Variants in ORAI2 observed in about 807,000 individuals in gnomAD.
ORAI2 encodes the protein protein orai-2.
A neutral mutation model predicts 16.2 loss-of-function variants in ORAI2; 10 were observed. The ratio of observed to expected loss-of-function variants is 0.62; its 90% confidence interval spans 0.38 to 1.04. The LOEUF is 1.04. Among genes scored for constraint, ORAI2 ranks in the 50% least tolerant of loss-of-function variants. The probability of loss-of-function intolerance (pLI) is 0.01; values close to 1 mark genes in which losing one functional copy is unlikely to be tolerated. For synonymous variants in ORAI2, 150 were observed against 157.5 expected, an observed-to-expected ratio of 0.95 and a Z score of 0.35; for missense variants, 238 against 355.5, an observed-to-expected ratio of 0.67 and a Z score of 2.66.
chr7:102,434,394 G>C (rs1797009655), intron 1 of ORAI2, among the ~76,000 whole-genome samples: 1 of 152,172 alleles, frequency 6.6e-6, no homozygotes, highest in South Asian at 2.1e-4. Context: ...CCAGCTCCAG[G>C]CAGACAGACA....
chr7:102,437,808 T>C (rs1029025001), intron 2 of ORAI2, among the ~76,000 whole-genome samples: 2 of 152,118 alleles, frequency 1.3e-5, no homozygotes, highest in African/African-American at 4.8e-5. Context: ...CCCAGCACTT[T>C]GGGAGGTGTA....
At position 102,449,740 on chromosome 7, in the gene ORAI2, G is replaced by A. The variant is rs112845201; in HGVS notation, c.*2688G>A. On this transcript the variant is annotated 3_prime_UTR_variant, in exon 4 of 4. Transcript: ENST00000495936. The stretch of plus-strand genomic sequence containing the variant: ...ATAAATAAAAATAAATTAGCTGGGC[G>A]TGGTGGTGCATGCCTGTAGTTCCAG... 0.058 allele frequency: 8,805 copies of A among 152,302 alleles called. 858 individuals are homozygous for A. Among genetic ancestry groups the A allele is most frequent in the African/African-American group, 0.2 (8,314 of 41,482 alleles). 9.4% of individuals were successfully genotyped at this position (152,302 alleles called of 1,614,324 possible). A position where few individuals can be genotyped will look rare whatever the true frequency, so the allele number is the denominator to read the frequency against.
rs1388205452 is a variant in ORAI2 at position 102,455,771 on chromosome 7, A to C, written c.*8719A>C. 6.6e-6 allele frequency: 1 copy of C among 152,212 alleles called. No homozygotes were observed. The highest frequency in any genetic ancestry group is 1.5e-5 in the Non-Finnish European group (1 of 68,052). 9.4% of individuals were successfully genotyped at this position (152,212 alleles called of 1,614,324 possible). The stretch of plus-strand genomic sequence containing the variant: ...CTGTGCTCTTGCTCCAAGTGAGTTG[A>C]CCAGGGAGCCGAAGTTAAGGTGGCC... On this transcript the variant is annotated 3_prime_UTR_variant, in exon 4 of 4. Transcript: ENST00000495936.
chr7:102,434,186 C>T (rs1797001506), intron 1 of ORAI2, among the ~76,000 whole-genome samples: 1 of 146,846 alleles, frequency 6.8e-6, no homozygotes, highest in Admixed American at 6.7e-5. Context: ...CCTCTAGGGT[C>T]TGTGCCACCT....
At chr7:102,434,183 G>T (rs1797001426) in intron 1 of ORAI2, among the ~76,000 whole-genome samples, 1 of 149,540 alleles carries the variant, frequency 6.7e-6, no homozygotes, top group South Asian at 2.1e-4. Context: ...CATCCTCTAG[G>T]GTCTGTGCCA....
intron 3 of ORAI2, among the ~76,000 whole-genome samples, chr7:102,444,379 AG>A (rs1304024870): frequency 1.3e-5 from 2 of 151,632 alleles, no homozygotes; most frequent in African/African-American, 4.9e-5. Flanking sequence ...CAGCCTCCCA[AG>A]TAGCTGGGAT....
chr7:102,441,866 AG>A lies in ORAI2; in HGVS notation c.225+2688del, dbSNP rs1379838755. The stretch of plus-strand genomic sequence containing the variant: ...CCGGTCAGATCGTTCTTCACACTGC[AG>A]GGCAGCCTGGGAAAAATAAGTGACA... On this transcript the variant is annotated intron_variant, in intron 3 of 3. Coordinates refer to ENST00000495936, the MANE Select transcript of ORAI2 (RefSeq NM_001126340.3). Among the ~76,000 whole-genome samples, 2 of 152,074 alleles carry A rather than the reference AG, an allele frequency of 1.3e-5. 1 individual carries two copies. Among genetic ancestry groups the A allele is most frequent in the African/African-American group, 4.8e-5 (2 of 41,342 alleles).
chr7:102,439,024 G>T lies in ORAI2; in HGVS notation c.68G>T (p.Gly23Val). 6.2e-7 allele frequency: 1 copy of T among 1,614,028 alleles called. No individual in the cohort carries two copies. The highest frequency in any genetic ancestry group is 8.5e-7 in the Non-Finnish European group (1 of 1,180,046). The part of the protein sequence containing the change: ...APACPEPGHK[G>V]MDYRDWVRRS... ...GCCTGCCCTGAGCCCGGCCATAAGG[G>T]CATGGATTACCGGGACTGGGTCCGC... Residue 23 changes from glycine (G) to valine (V), a missense_variant, in exon 3 of 4, where the codon GGC (glycine) becomes GTC (valine). Gly to Val is a moderately radical substitution (Grantham distance 109, BLOSUM62 -3). This residue lies in a region of ORAI2 where 61 missense variants were observed against 72.7 expected (regional missense o/e 0.84). Coordinates refer to ENST00000495936, the MANE Select transcript of ORAI2 (RefSeq NM_001126340.3).
chr7:102,437,996 C>G (rs935157138), intron 2 of ORAI2, among the ~76,000 whole-genome samples: 2 of 152,168 alleles, frequency 1.3e-5, no homozygotes, highest in African/African-American at 4.8e-5. Context: ...CTGCAGTGAG[C>G]TGTGATCGTA....
chr7:102,446,606 G>A lies in ORAI2; in HGVS notation c.319G>A (p.Val107Met), dbSNP rs574075338. The A allele has an allele frequency of 1.7e-5, 27 of 1,613,822 alleles. No individual in the cohort carries two copies. Among genetic ancestry groups the A allele is most frequent in the Admixed American group, 3.3e-5 (2 of 60,030 alleles). Residue 107 changes from valine (V) to methionine (M), a missense_variant, in exon 4 of 4, where the codon GTG (valine) becomes ATG (methionine). Val to Met is a conservative substitution (Grantham distance 21). Coordinates refer to ENST00000495936, the MANE Select transcript of ORAI2 (RefSeq NM_001126340.3). ...FSACTTVLVA[V>M]HLFALLISTC... Reference sequence around the variant, plus strand: ...CGCCTGCACCACGGTGCTGGTGGCCGTGCACCTGTTCGCCCTCCTCATCAG... The same window carrying A: ...CGCCTGCACCACGGTGCTGGTGGCCATGCACCTGTTCGCCCTCCTCATCAG...
At chr7:102,438,738 A>G (rs1365229133) in intron 2 of ORAI2, among the ~76,000 whole-genome samples, 1 of 152,174 alleles carries the variant, frequency 6.6e-6, no homozygotes, top group East Asian at 1.9e-4. Flanking sequence ...GCCCCACTGC[A>G]CTCCAGCCTG....
rs535613090 is a variant in ORAI2 at position 102,450,870 on chromosome 7, C to T, written c.*3818C>T. ...CCATTGCAGCCTAGAAATTCGGTTT[C>T]TGGAGGTTTAGCCTGATTTTGAAGA... On this transcript the variant is annotated 3_prime_UTR_variant, in exon 4 of 4. Coordinates refer to ENST00000495936, the MANE Select transcript of ORAI2 (RefSeq NM_001126340.3). 1 of 152,164 alleles carries T rather than the reference C, an allele frequency of 6.6e-6. No individual in the cohort carries two copies. The highest frequency in any genetic ancestry group is 2.4e-5 in the African/African-American group (1 of 41,432). The allele number at this position is 152,164 out of a possible 1,614,324, so 9.4% of individuals were successfully genotyped here. A position where few individuals can be genotyped will look rare whatever the true frequency, so the allele number is the denominator to read the frequency against.
Position 102,454,903 on chromosome 7 carries a change from G to A in ORAI2, c.*7851G>A, listed in dbSNP as rs1348521835. 1 of 152,628 alleles carries A rather than the reference G, an allele frequency of 6.6e-6. No homozygotes were observed. Among genetic ancestry groups the A allele is most frequent in the Admixed American group, 6.5e-5 (1 of 15,288 alleles). The allele number at this position is 152,628 out of a possible 1,614,324, so 9.5% of individuals were successfully genotyped here. On this transcript the variant is annotated 3_prime_UTR_variant, in exon 4 of 4. Transcript: ENST00000495936. ...AGAAACACATGGGGCAGGCTGGGCA[G>A]AGGGGCTCACACCCGTTATTCCCAG... is the stretch of plus-strand genomic sequence containing the variant.
rs926495408 is a variant in ORAI2, at chr7:102,456,533, C to G, written c.*9481C>G. On this transcript the variant is annotated 3_prime_UTR_variant, in exon 4 of 4. Transcript: ENST00000495936. Reference sequence around the variant, plus strand: ...CGGATTACAGGTGTGAGTCACCGCGCCTGGCCGGGAGCTTTAATTTTTCCT... The same window carrying G: ...CGGATTACAGGTGTGAGTCACCGCGGCTGGCCGGGAGCTTTAATTTTTCCT... 1.3e-5 allele frequency: 2 copies of G among 152,208 alleles called. No individual in the cohort carries two copies. Among genetic ancestry groups the G allele is most frequent in the African/African-American group, 4.8e-5 (2 of 41,446 alleles). 9.4% of individuals were successfully genotyped at this position (152,208 alleles called of 1,614,324 possible). A position where few individuals can be genotyped will look rare whatever the true frequency, so the allele number is the denominator to read the frequency against.
rs754654017 is a variant in ORAI2 at position 102,446,605 on chromosome 7, C to T, written c.318C>T (p.Ala106=). Residue 106 remains alanine, a synonymous_variant, in exon 4 of 4, where the codon GCC becomes GCT. Coordinates refer to ENST00000495936, the MANE Select transcript of ORAI2 (RefSeq NM_001126340.3). ...AFSACTTVLV[A]VHLFALLIST... ...GCGCCTGCACCACGGTGCTGGTGGCCGTGCACCTGTTCGCCCTCCTCATCA... is the reference window on the plus strand; with the variant it reads ...GCGCCTGCACCACGGTGCTGGTGGCTGTGCACCTGTTCGCCCTCCTCATCA... 10 of 1,613,730 alleles carry T rather than the reference C, an allele frequency of 6.2e-6. No homozygotes were observed. Among genetic ancestry groups the T allele is most frequent in the South Asian group, 4.4e-5 (4 of 91,094 alleles).
chr7:102,445,052 G>A (rs927503740), intron 3 of ORAI2, among the ~76,000 whole-genome samples: 1 of 59,970 alleles, frequency 1.7e-5, no homozygotes, highest in Non-Finnish European at 2.8e-5. Context: ...CTCCGACTAC[G>A]GTTGATGATT....
At chr7:102,442,909 A>G (rs1797243567) in intron 3 of ORAI2, among the ~76,000 whole-genome samples, 1 of 150,490 alleles carries the variant, frequency 6.6e-6, no homozygotes, top group Non-Finnish European at 1.5e-5. Context: ...AGTCCCAGCT[A>G]TTGGGGAGAC....
intron 2 of ORAI2, among the ~76,000 whole-genome samples, chr7:102,436,737 A>G (rs979848687): frequency 6.6e-6 from 1 of 151,826 alleles, no homozygotes; most frequent in African/African-American, 2.4e-5. Context: ...TTGAGACGGA[A>G]TCCTGCTCTG....
At position 102,446,989 on chromosome 7, in the gene ORAI2, C is replaced by A. The variant is rs759885796; in HGVS notation, c.702C>A (p.Ile234=). The change falls in exon 4 of 4, where the codon ATC becomes ATA. Residue 234 remains isoleucine (I), a synonymous_variant. Transcript: ENST00000495936. ...AAACGGAGCGCCACAACCGCGAGATCGAGGAGCTCCACAAGCTCAAGGTCC... is the reference window on the plus strand; with the variant it reads ...AAACGGAGCGCCACAACCGCGAGATAGAGGAGCTCCACAAGCTCAAGGTCC... ...RHKTERHNRE[I]EELHKLKVQL... 6.3e-7 allele frequency: 1 copy of A among 1,592,246 alleles called. No homozygotes were observed. Among genetic ancestry groups the A allele is most frequent in the South Asian group, 1.1e-5 (1 of 89,158 alleles).
Sources: allele counts gnomAD v4.1 joint callset (sites outside exome capture counted in the v4.1 genomes callset), GRCh38; gene constraint gnomAD v4.1.1; regional missense constraint gnomAD v4.1.1; transcripts MANE v1.5; gene names NCBI Gene and HGNC (gene_info 2026-07-23, HGNC 2026-07-21).